Variants in TRIM55 observed in about 807,000 individuals in gnomAD.
TRIM55 encodes tripartite motif-containing protein 55.
A neutral mutation model predicts 60.9 loss-of-function variants in TRIM55; 50 were observed. The ratio of observed to expected loss-of-function variants is 0.82; its 90% CI spans 0.65 to 1.04. The LOEUF is 1.04. Ranked by LOEUF, TRIM55 falls within the 50% of genes least tolerant of loss-of-function variation. The pLI, the probability that TRIM55 is intolerant of heterozygous loss-of-function variation, is 0.00. For missense variants in TRIM55, 681 were observed against 666.9 expected, an observed-to-expected ratio of 1.02 and a Z score of -0.23; for synonymous variants, 237 against 238.1, an observed-to-expected ratio of 1.00 and a Z score of 0.04.
chr8:66,143,230 A>G (rs1809919533), intron 4 of TRIM55, among the ~76,000 whole-genome samples: 1 of 152,210 alleles, frequency 6.6e-6, no homozygotes. Flanking sequence ...CTTACATGGT[A>G]AGAGCAGTGG....
the TRIM55 span, chr8:66,114,777 G>A: frequency 2.8e-6 from 1 of 360,874 alleles, no homozygotes; most frequent in African/African-American, 2.1e-5. Context: ...TAGCCCTGGA[G>A]AGGTGAGTGG....
upstream of TRIM55, among the ~76,000 whole-genome samples, chr8:66,126,495 C>CTCAAATAATTAG: frequency 6.6e-6 from 1 of 152,270 alleles, no homozygotes; most frequent in East Asian, 1.9e-4. Flanking sequence ...ATAATTAGAT[C>CTCAAATAATTAG]ATCCACTGGT....
intron 4 of TRIM55, among the ~76,000 whole-genome samples, chr8:66,143,919 G>C (rs1707590192): frequency 6.6e-6 from 1 of 152,140 alleles, no homozygotes; most frequent in Admixed American, 6.6e-5. Flanking sequence ...AGAGAAAAGT[G>C]AACCAATAAA....
At chr8:66,162,248 A>G (rs1478395941) in intron 9 of TRIM55, among the ~76,000 whole-genome samples, 4 of 152,102 alleles carry the variant, frequency 2.6e-5, no homozygotes, top group African/African-American at 7.2e-5. Context: ...GATTTTGTCA[A>G]ATGCTTTTTC....
rs759446548 is a variant in TRIM55 at position 66,152,405 on chromosome 8, C to A, written c.1014C>A (p.Gly338=). The A allele has an allele frequency of 6.3e-7, 1 of 1,598,954 alleles. No individual in the cohort carries two copies. The highest frequency in any genetic ancestry group is 1.7e-5 in the Admixed American group (1 of 58,412). The change falls in exon 8 of 10, where the codon GGC becomes GGA. Residue 338 remains glycine, a synonymous_variant. Transcript: ENST00000315962. ...ATGAAGATGAAGAAGAAGAAGAAGG[C>A]GGAGAAGGAGAAAAAGAAGGAGAAG... is the stretch of plus-strand genomic sequence containing the variant. ...REDEDEEEEE[G]GEGEKEGEGE...
At chr8:66,142,138 A>G (rs1019712297) in intron 4 of TRIM55, among the ~76,000 whole-genome samples, 3 of 152,210 alleles carry the variant, frequency 2.0e-5, no homozygotes, top group Non-Finnish European at 4.4e-5. Context: ...TAAGAGGTAC[A>G]TTCCAGGGGC....
intron 4 of TRIM55, among the ~76,000 whole-genome samples, chr8:66,144,850 CT>C (rs984573476): frequency 2.6e-5 from 4 of 152,320 alleles, no homozygotes; most frequent in South Asian, 2.1e-4. Flanking sequence ...AACAACAGTC[CT>C]TTAAAGTGTT....
intron 9 of TRIM55, among the ~76,000 whole-genome samples, chr8:66,173,390 G>T (rs1283526744): frequency 1.3e-5 from 2 of 152,178 alleles, no homozygotes; most frequent in African/African-American, 2.4e-5. Flanking sequence ...AACTCATTTT[G>T]CTCTCAAGAC....
In TRIM55 at chr8:66,149,664, A is replaced by G. The variant is rs747944571; in HGVS notation, c.623A>G (p.Lys208Arg). The change falls in exon 5 of 10, where the codon AAA (lysine) becomes AGA (arginine). Residue 208 changes from lysine (K) to arginine (R), a missense_variant. Lys to Arg is a conservative substitution (Grantham distance 26). Transcript: ENST00000315962. The stretch of plus-strand genomic sequence containing the variant: ...TAATAGGAATGTTGCAGAAAACAGA[A>G]ACAAGAGCTTTGTGAGAAGTTTGAT... ...KTIEECCRKQ[K>R]QELCEKFDYL... The G allele has an allele frequency of 1.2e-6, 2 of 1,614,112 alleles. No homozygotes were observed. The highest frequency in any genetic ancestry group is 2.2e-5 in the South Asian group (2 of 91,082).
chr8:66,120,637 C>CCCTGGTTAACAA, the TRIM55 span, among the ~76,000 whole-genome samples: 1 of 152,188 alleles, frequency 6.6e-6, no homozygotes, highest in South Asian at 2.1e-4. Flanking sequence ...TAACAGCACT[C>CCCTGGTTAACAA]TGTGTGCATT....
Position 66,137,136 on chromosome 8 carries a change from C to A in TRIM55, c.549C>A (p.Asn183Lys), listed in dbSNP as rs756371776. The change falls in exon 4 of 10, where the codon AAC (asparagine) becomes AAA (lysine). Residue 183 changes from asparagine (N) to lysine (K), a missense_variant. Transcript: ENST00000315962. ...GCATCGCCATCCTCGTGGGCAGCAACGATCGAGTCCAGGGAGTGATCAGCC... is the reference window on the plus strand; with the variant it reads ...GCATCGCCATCCTCGTGGGCAGCAAAGATCGAGTCCAGGGAGTGATCAGCC... ...SDGIAILVGS[N>K]DRVQGVISQL... The A allele has an allele frequency of 1.2e-6, 2 of 1,614,146 alleles. No individual in the cohort carries two copies. The highest frequency in any genetic ancestry group is 4.5e-5 in the East Asian group (2 of 44,876).
chr8:66,148,341 C>T (rs922393245), intron 4 of TRIM55, among the ~76,000 whole-genome samples: 1 of 152,192 alleles, frequency 6.6e-6, no homozygotes, highest in African/African-American at 2.4e-5. Context: ...GCCTTTCTCT[C>T]CAAGAGCATA....
At chr8:66,155,484 G>A (rs968259327) in intron 9 of TRIM55, 2 of 571,494 alleles carry the variant, frequency 3.5e-6, no homozygotes, top group African/African-American at 1.9e-5. Context: ...CGGAGGGGCT[G>A]TTTTCTGAAA....
At chr8:66,114,199 C>T in the TRIM55 span, among the ~76,000 whole-genome samples, 20 of 151,394 alleles carry the variant, frequency 1.3e-4, 1 homozygote, top group Admixed American at 1.2e-3. Flanking sequence ...GGGGGATTAG[C>T]TCAAATGGTA....
At position 66,172,667 on chromosome 8, in the gene TRIM55, C is replaced by T. The variant is rs187295639; in HGVS notation, c.1525-1804C>T. On this transcript the variant is annotated intron_variant, in intron 9 of 9. Coordinates refer to ENST00000315962, the MANE Select transcript of TRIM55 (RefSeq NM_184085.2). ...CCAAAAGCAGTCCCAGGGGCTTGTTCGCTACCAGCAGTTTCCCAAAGGTTC... is the reference window on the plus strand; with the variant it reads ...CCAAAAGCAGTCCCAGGGGCTTGTTTGCTACCAGCAGTTTCCCAAAGGTTC... Among the ~76,000 whole-genome samples, 198 of 152,300 alleles carry T rather than the reference C, an allele frequency of 1.3e-3. 3 individuals are homozygous for T. The highest frequency in any genetic ancestry group is 1.5e-3 in the Non-Finnish European group (99 of 68,028).
intron 2 of TRIM55, among the ~76,000 whole-genome samples, chr8:66,129,017 G>A (rs1808990105): frequency 6.6e-6 from 1 of 152,114 alleles, no homozygotes. Flanking sequence ...CACAAAGCAA[G>A]GCAAAACCCT....
At chr8:66,167,920 A>T (rs764782216) in intron 9 of TRIM55, among the ~76,000 whole-genome samples, 4 of 151,990 alleles carry the variant, frequency 2.6e-5, no homozygotes, top group African/African-American at 7.2e-5. Context: ...GCAATTTTTT[A>T]AAAGTTTTTT....
chr8:66,159,613 ACTGT>A (rs1185500615), intron 9 of TRIM55, among the ~76,000 whole-genome samples: 1 of 152,162 alleles, frequency 6.6e-6, no homozygotes, highest in Non-Finnish European at 1.5e-5. Context: ...AAACTGTCAA[ACTGT>A]TTTCCGTAGT....
intron 2 of TRIM55, 71 bp from the exon 3 acceptor site, chr8:66,134,919 A>G: frequency 6.8e-7 from 1 of 1,478,344 alleles, no homozygotes; most frequent in Non-Finnish European, 9.3e-7. Context: ...AGGCAGAGCA[A>G]CATCAGCTCT....
Sources: allele counts gnomAD v4.1 joint callset (sites outside exome capture counted in the v4.1 genomes callset), GRCh38; gene constraint gnomAD v4.1.1; transcripts MANE v1.5; gene names NCBI Gene and HGNC (gene_info 2026-07-23, HGNC 2026-07-21).